TLK1: variants seen among roughly 807,000 people sequenced by gnomAD.
TLK1 encodes the protein serine/threonine-protein kinase tousled-like 1.
TLK1 carries 24 observed loss-of-function variants against 105.3 expected under a neutral mutation model. The ratio of observed to expected loss-of-function variants is 0.23; its 90% CI spans 0.17 to 0.32. The LOEUF (loss-of-function observed/expected upper bound fraction) is 0.32, where lower values mean the gene tolerates loss of function less well. Ranked by LOEUF, TLK1 falls within the 10% of genes least tolerant of loss-of-function variation. The pLI is 1.00. For missense variants in TLK1, 558 were observed against 910.5 expected (o/e 0.61, Z 4.98); for synonymous variants, 321 against 310.4 (o/e 1.03, Z -0.36).
chr2:171,053,377 T>C (rs1316089512), intron 8 of TLK1, among the ~76,000 whole-genome samples: 2 of 152,080 alleles, frequency 1.3e-5, no homozygotes, highest in African/African-American at 4.8e-5. Context: ...ATTTTTTTTT[T>C]TTCTGAGACA....
intron 20 of TLK1, among the ~76,000 whole-genome samples, chr2:170,994,498 A>G (rs1683954127): frequency 1.3e-5 from 2 of 151,344 alleles, no homozygotes; most frequent in African/African-American, 4.9e-5. Context: ...TTTTTTCTCA[A>G]ACCAATTTTA....
At chr2:171,216,720 T>C (rs1043285929) in intron 1 of TLK1, among the ~76,000 whole-genome samples, 52 of 152,196 alleles carry the variant, frequency 3.4e-4, no homozygotes, top group African/African-American at 1.3e-3. Context: ...ACTGGAGTAC[T>C]GTGGGCCCCC....
chr2:171,063,388 C>A (rs1402260501), intron 3 of TLK1, among the ~76,000 whole-genome samples: 1 of 151,774 alleles, frequency 6.6e-6, no homozygotes, highest in Non-Finnish European at 1.5e-5. Context: ...TAAAAGATCC[C>A]CAAATAATAA....
chr2:171,124,141 T>C (rs1323775965), intron 1 of TLK1, among the ~76,000 whole-genome samples: 4 of 152,254 alleles, frequency 2.6e-5, no homozygotes, highest in African/African-American at 2.4e-5. Flanking sequence ...GTGGGAACTA[T>C]AGTTTGAGAC....
intron 11 of TLK1, among the ~76,000 whole-genome samples, chr2:171,037,940 C>T (rs1423381495): frequency 1.3e-5 from 2 of 152,140 alleles, no homozygotes; most frequent in Non-Finnish European, 2.9e-5. Flanking sequence ...ACTATTTCAT[C>T]CTTAAATGGC....
intron 1 of TLK1, chr2:171,154,072 C>CTTT (rs34107077): frequency 1.4e-5 from 2 of 144,902 alleles, no homozygotes; most frequent in Non-Finnish European, 3.0e-5. Flanking sequence ...ACCCAGCTAA[C>CTTT]TTTTTTTTTT....
intron 18 of TLK1, among the ~76,000 whole-genome samples, chr2:171,005,763 G>A (rs1464087192): frequency 6.6e-6 from 1 of 151,966 alleles, no homozygotes; most frequent in Non-Finnish European, 1.5e-5. Context: ...CCACAGAGAG[G>A]GCTTGATGCT....
At chr2:171,032,651 T>C (rs964518011) in intron 11 of TLK1, among the ~76,000 whole-genome samples, 1 of 152,146 alleles carries the variant, frequency 6.6e-6, no homozygotes, top group East Asian at 1.9e-4. Context: ...TCAAAAAGTA[T>C]GGTACTGCCA....
rs147734798 is a variant in TLK1 at position 171,011,037 on chromosome 2, C to G, written c.1416+336G>C. On this transcript the variant is annotated intron_variant, in intron 14 of 20. Coordinates refer to ENST00000431350, the MANE Select transcript of TLK1 (RefSeq NM_012290.5). ...TTTTTGTTTTTGAGACAGGGTCTTGCTCTGTCACCCATACTAGAGTGCAGT... is the reference window on the plus strand; with the variant it reads ...TTTTTGTTTTTGAGACAGGGTCTTGGTCTGTCACCCATACTAGAGTGCAGT... 6.1e-3 allele frequency among the ~76,000 whole-genome samples: 924 copies of G among 152,226 alleles called. 13 individuals are homozygous for G. The highest frequency in any genetic ancestry group is 6.0e-3 in the Non-Finnish European group (410 of 68,004).
chr2:171,126,748 G>A (rs1690882702), intron 1 of TLK1, among the ~76,000 whole-genome samples: 1 of 151,508 alleles, frequency 6.6e-6, no homozygotes, highest in Non-Finnish European at 1.5e-5. Flanking sequence ...TAATTCACTC[G>A]AGATTTTAAC....
chr2:171,221,553 C>T (rs749633201), intron 1 of TLK1, among the ~76,000 whole-genome samples: 7 of 152,142 alleles, frequency 4.6e-5, no homozygotes, highest in Non-Finnish European at 8.8e-5. Context: ...CAATATGGTC[C>T]GATCTATTTT....
At chr2:171,228,537 T>G (rs1693939227) in intron 1 of TLK1, among the ~76,000 whole-genome samples, 1 of 152,174 alleles carries the variant, frequency 6.6e-6, no homozygotes, top group Non-Finnish European at 1.5e-5. Context: ...GAAGACAGAG[T>G]AAGACCTTGT....
Position 171,050,251 on chromosome 2 carries a change from A to G in TLK1, c.733-77T>C, listed in dbSNP as rs553890913. 5 of 971,418 alleles carry G rather than the reference A, an allele frequency of 5.1e-6. No individual in the cohort carries two copies. The African/African-American group carries it at 6.6e-5, about 13-fold the overall frequency. The allele number at this position is 971,418 out of a possible 1,614,324, so 60.2% of individuals were successfully genotyped here. ...CTTAGAAATAGTTTTAATGTTCTAAATAAATTATATACAGATAGGACTAAT... is the reference window on the plus strand; with the variant it reads ...CTTAGAAATAGTTTTAATGTTCTAAGTAAATTATATACAGATAGGACTAAT... On this transcript the variant is annotated intron_variant, in intron 8 of 20. Coordinates refer to ENST00000431350, the MANE Select transcript of TLK1 (RefSeq NM_012290.5).
intron 1 of TLK1, among the ~76,000 whole-genome samples, chr2:171,168,947 G>A (rs985600944): frequency 3.0e-4 from 45 of 151,926 alleles, no homozygotes; most frequent in African/African-American, 9.9e-4. Context: ...GTGTGGTGGC[G>A]CATGCCTGTA....
Position 170,993,668 on chromosome 2 carries a change from T to TAAAAAAAAAAAAA in TLK1, c.*99_*111dup, listed in dbSNP as rs71008739. On this transcript the variant is annotated 3_prime_UTR_variant, in exon 21 of 21. Coordinates refer to ENST00000431350, the MANE Select transcript of TLK1 (RefSeq NM_012290.5). ...AAACAGTTCTTAACCACGTCTTGTGTAAAAAAAAAAAAAAAAAAAAAAGAA... is the reference window on the plus strand; with the variant it reads ...AAACAGTTCTTAACCACGTCTTGTGTAAAAAAAAAAAAAAAAAAAAAAAAAAAAAAAAAAAGAA... 1.6e-5 allele frequency: 7 copies of TAAAAAAAAAAAAA among 433,810 alleles called. No individual in the cohort carries two copies. Among genetic ancestry groups the TAAAAAAAAAAAAA allele is most frequent in the South Asian group, 7.2e-5 (1 of 13,944 alleles). 26.9% of individuals were successfully genotyped at this position (433,810 alleles called of 1,614,324 possible).
Position 170,993,449 on chromosome 2 carries a change from A to G in TLK1, c.*331T>C, listed in dbSNP as rs374588951. The G allele has an allele frequency of 1.4e-4, 26 of 191,654 alleles. No individual in the cohort carries two copies. In the East Asian group the frequency reaches 2.2e-3, roughly 16 times the overall value. 11.9% of individuals were successfully genotyped at this position (191,654 alleles called of 1,614,324 possible). On this transcript the variant is annotated 3_prime_UTR_variant, in exon 21 of 21. Coordinates refer to ENST00000431350, the MANE Select transcript of TLK1 (RefSeq NM_012290.5). Reference sequence around the variant, plus strand: ...TAGTAACAACCAAATGTATTTAAGTATTATAAACGTTATTTACAGTGTTCC... The same window carrying G: ...TAGTAACAACCAAATGTATTTAAGTGTTATAAACGTTATTTACAGTGTTCC...
At chr2:171,024,700 CTGG>C (rs1685692442) in intron 12 of TLK1, among the ~76,000 whole-genome samples, 1 of 152,152 alleles carries the variant, frequency 6.6e-6, no homozygotes, top group Non-Finnish European at 1.5e-5. Flanking sequence ...TTGTCACTTA[CTGG>C]TGGTATTACT....
chr2:171,218,365 A>T (rs1693752019), intron 1 of TLK1, among the ~76,000 whole-genome samples: 1 of 152,182 alleles, frequency 6.6e-6, no homozygotes, highest in African/African-American at 2.4e-5. Context: ...TAGGCTAGAG[A>T]TGGAGGGGAA....
At chr2:171,060,978 A>T in intron 4 of TLK1, 103 bp downstream of exon 4, 1 of 1,175,858 alleles carries the variant, frequency 8.5e-7, no homozygotes, top group Non-Finnish European at 1.2e-6. Context: ...ACCAAAATTT[A>T]CAACTTCATA....
Sources: gnomAD v4.1 joint callset for allele counts (sites outside exome capture counted in the v4.1 genomes callset) on GRCh38, gnomAD v4.1.1 for gene constraint, MANE v1.5 for transcripts, NCBI Gene and HGNC (gene_info 2026-07-23, HGNC 2026-07-21) for gene names.